The following RPS6KA1 variants were observed in gnomAD, a reference collection of about 807,000 sequenced individuals.
RPS6KA1 encodes ribosomal protein S6 kinase alpha-1.
A neutral mutation model predicts 91.3 loss-of-function variants in RPS6KA1; 48 were observed. That is an observed-to-expected ratio of 0.53 (90% CI 0.42 to 0.67). The LOEUF is 0.67. RPS6KA1 is among the 30% of genes least tolerant of loss of function. The pLI is 0.00. For missense variants in RPS6KA1, 719 were observed against 960.5 expected (o/e 0.75, Z 3.32); for synonymous variants, 359 against 384.7 (o/e 0.93, Z 0.78).
At chr1:26,560,915 G>A in intron 15 of RPS6KA1, 64 bp downstream of exon 15, 1 of 1,611,494 alleles carries the variant, frequency 6.2e-7, no homozygotes, top group Non-Finnish European at 8.5e-7. Flanking sequence ...CGTCTGGTGG[G>A]GAGGGATGGT....
At chr1:26,535,461 GA>G (rs2075899461) in intron 1 of RPS6KA1, among the ~76,000 whole-genome samples, 1 of 152,032 alleles carries the variant, frequency 6.6e-6, no homozygotes. Context: ...TAGCTGTTGG[GA>G]ACCTCCTGTC....
Position 26,571,460 on chromosome 1 carries a change from G to A in RPS6KA1, c.1602G>A (p.Arg534=), listed in dbSNP as rs554901952. ...CCCCCTGCCCCTAGGTTGTGCACAG[G>A]GACCTGAAGCCCAGCAACATCCTGT... is the stretch of plus-strand genomic sequence containing the variant. The part of the protein sequence containing the change: ...EYLHSQGVVH[R]DLKPSNILYV... Residue 534 remains arginine (R), a synonymous_variant, in exon 18 of 22, where the codon AGG becomes AGA. Coordinates refer to ENST00000374168, the MANE Select transcript of RPS6KA1 (RefSeq NM_002953.4). The surrounding 1 kb of genome is among the most constrained non-coding windows in gnomAD (Gnocchi z 5.1). 5.6e-6 allele frequency: 9 copies of A among 1,614,094 alleles called. No homozygotes were observed. The East Asian group carries it at 2.0e-4, about 36-fold the overall frequency.
At chr1:26,538,771 G>A (rs866214327) in intron 2 of RPS6KA1, among the ~76,000 whole-genome samples, 3 of 152,148 alleles carry the variant, frequency 2.0e-5, no homozygotes, top group African/African-American at 7.2e-5. Context: ...AAGAGGAGGA[G>A]CACTGGCTTT....
rs1320086973 is a variant in RPS6KA1 at position 26,558,144 on chromosome 1, T to C, written c.1085-663T>C. Among the ~76,000 whole-genome samples, 1 of 152,104 alleles carries C rather than the reference T, an allele frequency of 6.6e-6. No homozygotes were observed. Among genetic ancestry groups the C allele is most frequent in the Non-Finnish European group, 1.5e-5 (1 of 68,016 alleles). On this transcript the variant is annotated intron_variant, in intron 13 of 21. Coordinates refer to ENST00000374168, the MANE Select transcript of RPS6KA1 (RefSeq NM_002953.4). This position sits in a 1 kb window ranked among gnomAD's most constrained non-coding sequence, Gnocchi z 4.0. ...GACAGCACTTCTCCAAGCAGTCCGCTGGGCAACGTGACAAGTGCAGCTTCG... is the reference window on the plus strand; with the variant it reads ...GACAGCACTTCTCCAAGCAGTCCGCCGGGCAACGTGACAAGTGCAGCTTCG...
chr1:26,534,463 G>A (rs2075891745), intron 1 of RPS6KA1, among the ~76,000 whole-genome samples: 1 of 152,124 alleles, frequency 6.6e-6, no homozygotes, highest in South Asian at 2.1e-4. Context: ...AAAAGATCAG[G>A]AGTTTGCCAA....
At chr1:26,532,533 C>T (rs537009046) in intron 1 of RPS6KA1, among the ~76,000 whole-genome samples, 11 of 152,322 alleles carry the variant, frequency 7.2e-5, no homozygotes, top group Non-Finnish European at 7.4e-5. Context: ...TTGGCGGACT[C>T]TCCTTATCCT....
chr1:26,533,065 G>A (rs1288615644), intron 1 of RPS6KA1, among the ~76,000 whole-genome samples: 1 of 152,134 alleles, frequency 6.6e-6, no homozygotes, highest in East Asian at 1.9e-4. Flanking sequence ...ATACAGATGA[G>A]GAAACTGAGA....
intron 2 of RPS6KA1, chr1:26,544,276 A>G (rs1229159742): frequency 6.6e-6 from 3 of 451,222 alleles, no homozygotes; most frequent in South Asian, 3.1e-5. Flanking sequence ...TCTCCACTTG[A>G]TAAGTGCCTG....
chr1:26,568,546 C>T (rs542202074), intron 17 of RPS6KA1, among the ~76,000 whole-genome samples: 22 of 151,226 alleles, frequency 1.5e-4, no homozygotes, highest in Admixed American at 2.6e-4. Context: ...GTCAGCAGTT[C>T]GAGACCAGCC....
In RPS6KA1 at chr1:26,556,697, C is replaced by G; in HGVS notation, c.960C>G (p.Phe320Leu). ...DGAEEIKRHV[F>L]YSTIDWNKLY... Reference sequence around the variant, plus strand: ...CAGAGGAAATCAAGCGGCATGTCTTCTACTCCACCATTGACTGGAATGTGA... The same window carrying G: ...CAGAGGAAATCAAGCGGCATGTCTTGTACTCCACCATTGACTGGAATGTGA... The change falls in exon 12 of 22, where the codon TTC becomes TTG. Residue 320 changes from phenylalanine (F) to leucine (L), a missense_variant. Around this residue, in one of 5 missense-constraint regions of RPS6KA1, gnomAD observed 228 missense variants for 247.6 expected, o/e 0.92. Coordinates refer to ENST00000374168, the MANE Select transcript of RPS6KA1 (RefSeq NM_002953.4). 6.2e-7 allele frequency: 1 copy of G among 1,614,236 alleles called. No individual in the cohort carries two copies. Among genetic ancestry groups the G allele is most frequent in the South Asian group, 1.1e-5 (1 of 91,088 alleles).
In RPS6KA1 at chr1:26,547,096, A is replaced by C. The variant is rs2076001475; in HGVS notation, c.226-93A>C. The C allele has an allele frequency of 1.9e-6, 3 of 1,550,324 alleles. No individual in the cohort carries two copies. Among genetic ancestry groups the C allele is most frequent in the Admixed American group, 3.3e-5 (2 of 59,808 alleles). On this transcript the variant is annotated intron_variant, in intron 3 of 21. Coordinates refer to ENST00000374168, the MANE Select transcript of RPS6KA1 (RefSeq NM_002953.4). The surrounding 1 kb of genome is among the most constrained non-coding windows in gnomAD (Gnocchi z 4.1). ...GGTCACCTTGGTACCCAGGGAGAGC[A>C]AAAAGGTCAGCTTGGGGCTCAGAGA...
At position 26,554,092 on chromosome 1, in the gene RPS6KA1, C is replaced by T. The variant is rs41286645; in HGVS notation, c.576-122C>T. 9 of 992,686 alleles carry T rather than the reference C, an allele frequency of 9.1e-6. No homozygotes were observed. The African/African-American group carries it at 1.5e-4, about 16-fold the overall frequency. 61.5% of individuals were successfully genotyped at this position (992,686 alleles called of 1,614,324 possible). A position where few individuals can be genotyped will look rare whatever the true frequency, so the allele number is the denominator to read the frequency against. On this transcript the variant is annotated intron_variant, in intron 7 of 21. Transcript: ENST00000374168. This position sits in a 1 kb window ranked among gnomAD's most constrained non-coding sequence, Gnocchi z 4.6. ...TACCACCCTGCAACACCCGCCCAGT[C>T]ATCAGAGAGAATTGGGTGGAGCACC...
rs199789905 is a variant in RPS6KA1 at position 26,553,438 on chromosome 1, T to C, written c.516T>C (p.Ala172=). The C allele has an allele frequency of 1.6e-4, 256 of 1,613,296 alleles. No individual in the cohort carries two copies. Among genetic ancestry groups the C allele is most frequent in the Non-Finnish European group, 2.0e-4 (239 of 1,179,592 alleles). ...EDVKFYLAEL[A]LGLDHLHSLG... is the part of the protein sequence containing the mutation. The stretch of plus-strand genomic sequence containing the variant: ...TGAAGTTTTACCTGGCTGAGCTGGC[T>C]CTGGGCCTGGATCACCTGCACAGCC... Residue 172 remains alanine (A), a synonymous_variant, in exon 7 of 22, where the codon GCT becomes GCC. Transcript: ENST00000374168.
Position 26,571,247 on chromosome 1 carries a change from G to C in RPS6KA1, c.1591-202G>C, listed in dbSNP as rs2076246359. ...AGTTCAGTTTTGACAGGTTAACTTAGAGCTACCTGTAGACACCTACACAGA... is the reference window on the plus strand; with the variant it reads ...AGTTCAGTTTTGACAGGTTAACTTACAGCTACCTGTAGACACCTACACAGA... On this transcript the variant is annotated intron_variant, in intron 17 of 21. Coordinates refer to ENST00000374168, the MANE Select transcript of RPS6KA1 (RefSeq NM_002953.4). The surrounding 1 kb of genome is among the most constrained non-coding windows in gnomAD (Gnocchi z 5.1). 2 of 574,404 alleles carry C rather than the reference G, an allele frequency of 3.5e-6. No homozygotes were observed. The highest frequency in any genetic ancestry group is 6.2e-6 in the Non-Finnish European group (2 of 322,010). The allele number at this position is 574,404 out of a possible 1,614,324, so 35.6% of individuals were successfully genotyped here. A position where few individuals can be genotyped will look rare whatever the true frequency, so the allele number is the denominator to read the frequency against.
At chr1:26,537,332 G>A (rs964497140) in intron 2 of RPS6KA1, among the ~76,000 whole-genome samples, 6 of 152,172 alleles carry the variant, frequency 3.9e-5, no homozygotes, top group African/African-American at 1.2e-4. Context: ...GTAGAGCTGC[G>A]CTTGCCAAGA....
At position 26,571,935 on chromosome 1, in the gene RPS6KA1, C is replaced by T. The variant is rs2076252752; in HGVS notation, c.1829+10C>T. 6.2e-7 allele frequency: 1 copy of T among 1,610,010 alleles called. No individual in the cohort carries two copies. Among genetic ancestry groups the T allele is most frequent in the South Asian group, 1.1e-5 (1 of 91,034 alleles). On this transcript the variant is annotated intron_variant, in intron 19 of 21. Coordinates refer to ENST00000374168, the MANE Select transcript of RPS6KA1 (RefSeq NM_002953.4). This position sits in a 1 kb window ranked among gnomAD's most constrained non-coding sequence, Gnocchi z 5.1. ...ACACCATGCTGGCAGGGTGAGTGCC[C>T]CTGGCCTGGACCCTTCCCCACTCCT...
At chr1:26,530,947 G>T (rs1412187483) in intron 1 of RPS6KA1, 2 of 1,162,424 alleles carry the variant, frequency 1.7e-6, no homozygotes, top group East Asian at 1.3e-4. Context: ...ATGCAGGGAG[G>T]GAATGGAGAC....
intron 2 of RPS6KA1, among the ~76,000 whole-genome samples, chr1:26,541,918 C>A (rs1354967215): frequency 6.6e-6 from 1 of 152,174 alleles, no homozygotes; most frequent in Admixed American, 6.5e-5. Flanking sequence ...TTCCAGCTGC[C>A]CTGTAGGAGG....
chr1:26,554,803 C>T lies in RPS6KA1; in HGVS notation c.756+65C>T. 14 of 1,533,480 alleles carry T rather than the reference C, an allele frequency of 9.1e-6. No individual in the cohort carries two copies. Among genetic ancestry groups the T allele is most frequent in the South Asian group, 1.2e-5 (1 of 80,848 alleles). 95.0% of individuals were successfully genotyped at this position (1,533,480 alleles called of 1,614,324 possible). ...TCTGGCCTCAGTCTCCCTATCTGTA[C>T]AGTGAGGGGGTTGATCATTTCTAGG... is the stretch of plus-strand genomic sequence containing the variant. On this transcript the variant is annotated intron_variant, in intron 9 of 21. Coordinates refer to ENST00000374168, the MANE Select transcript of RPS6KA1 (RefSeq NM_002953.4). This position sits in a 1 kb window ranked among gnomAD's most constrained non-coding sequence, Gnocchi z 4.6.
Sources: allele counts gnomAD v4.1 joint callset (sites outside exome capture counted in the v4.1 genomes callset), GRCh38; gene constraint gnomAD v4.1.1; regional missense constraint gnomAD v4.1.1; non-coding constraint Gnocchi (gnomAD v3.1); transcripts MANE v1.5; gene names NCBI Gene and HGNC (gene_info 2026-07-23, HGNC 2026-07-21).